Variants in HAPLN2 observed in about 807,000 individuals in gnomAD.
HAPLN2 encodes the protein hyaluronan and proteoglycan link protein 2.
HAPLN2 carries 27 observed loss-of-function variants against 29.3 expected under a neutral mutation model. The ratio of observed to expected loss-of-function variants is 0.92; its 90% CI spans 0.68 to 1.27. The LOEUF (loss-of-function observed/expected upper bound fraction) is 1.27. HAPLN2 is among the 50% of genes most tolerant of loss of function. The pLI is 0.00. For missense variants in HAPLN2, 454 were observed against 484.3 expected (o/e 0.94, Z 0.59); for synonymous variants, 208 against 211.7 (o/e 0.98, Z 0.15).
At position 156,621,463 on chromosome 1, in the gene HAPLN2, G is replaced by A. The variant is rs116064662; in HGVS notation, c.-25+1305G>A. 7.5e-3 allele frequency among the ~76,000 whole-genome samples: 1,140 copies of A among 151,602 alleles called. 19 individuals are homozygous for A. Among genetic ancestry groups the A allele is most frequent in the African/African-American group, 0.027 (1,095 of 41,304 alleles). ...GAATGATACAATAGGTGCTGGAGGCGATGGCTCACACCTGTAATCTCAGCA... is the reference window on the plus strand; with the variant it reads ...GAATGATACAATAGGTGCTGGAGGCAATGGCTCACACCTGTAATCTCAGCA... On this transcript the variant is annotated intron_variant, in intron 2 of 6. Transcript: ENST00000255039.
rs898944237 is a variant in HAPLN2 at position 156,625,524 on chromosome 1, T to C, written c.*140T>C. ...CAGACCTGCCTTCCCAGCCGGGGGC[T>C]GCGGGCCTCGGACCCCGGCTGGCCC... On this transcript the variant is annotated 3_prime_UTR_variant, in exon 7 of 7. Transcript: ENST00000255039. The surrounding 1 kb of genome is among the most constrained non-coding windows in gnomAD (Gnocchi z 5.7). 4.6e-6 allele frequency: 4 copies of C among 878,988 alleles called. No homozygotes were observed. In the African/African-American group the frequency reaches 7.2e-5, roughly 16 times the overall value. 54.4% of individuals were successfully genotyped at this position (878,988 alleles called of 1,614,324 possible). A position where few individuals can be genotyped will look rare whatever the true frequency, so the allele number is the denominator to read the frequency against.
Position 156,623,923 on chromosome 1 carries a change from G to A in HAPLN2, c.202G>A (p.Val68Met). ...GGGCACCACGCCTCCCAGCTACAAG[G>A]TGCGCTGGAGCAAGGTGGAGCCTGG... ...VLGTTPPSYK[V>M]RWSKVEPGEL... Residue 68 changes from valine to methionine, a missense_variant, in exon 4 of 7, where the codon GTG (valine) becomes ATG (methionine). Physicochemically the swap from Val to Met is conservative, Grantham distance 21 (BLOSUM62 1). This residue lies in a region of HAPLN2 where 204 missense variants were observed against 209.2 expected (regional missense o/e 0.98). Transcript: ENST00000255039. 2 of 1,606,344 alleles carry A rather than the reference G, an allele frequency of 1.2e-6. No homozygotes were observed. The highest frequency in any genetic ancestry group is 1.7e-6 in the Non-Finnish European group (2 of 1,176,416).
the HAPLN2 span, among the ~76,000 whole-genome samples, chr1:156,606,735 G>A: frequency 4.0e-5 from 6 of 151,742 alleles, no homozygotes; most frequent in Non-Finnish European, 7.4e-5. Flanking sequence ...CTCCTGCCTC[G>A]GCCTCCCAAA....
At position 156,625,216 on chromosome 1, in the gene HAPLN2, G is replaced by C; in HGVS notation, c.855G>C (p.Ser285=). The C allele has an allele frequency of 6.4e-7, 1 of 1,565,286 alleles. No individual in the cohort carries two copies. Among genetic ancestry groups the C allele is most frequent in the Admixed American group, 1.9e-5 (1 of 53,344 alleles). Reference sequence around the variant, plus strand: ...ACCTCTACGCCGCCTGGAAGTTTTCGGGGCTAGACCAGTGCGACGGCGGCT... The same window carrying C: ...ACCTCTACGCCGCCTGGAAGTTTTCCGGGCTAGACCAGTGCGACGGCGGCT... The part of the protein sequence containing the change: ...VGHLYAAWKF[S]GLDQCDGGWL... The change falls in exon 7 of 7, where the codon TCG becomes TCC. Residue 285 remains serine, a synonymous_variant. Coordinates refer to ENST00000255039, the MANE Select transcript of HAPLN2 (RefSeq NM_021817.3). This position sits in a 1 kb window ranked among gnomAD's most constrained non-coding sequence, Gnocchi z 5.7.
the HAPLN2 span, among the ~76,000 whole-genome samples, chr1:156,610,640 C>CAA: frequency 9.9e-5 from 12 of 121,594 alleles, no homozygotes; most frequent in African/African-American, 3.5e-4. Context: ...AACTCCGTCT[C>CAA]AAAAAAAAAA....
At chr1:156,612,044 G>C in the HAPLN2 span, among the ~76,000 whole-genome samples, 1 of 152,154 alleles carries the variant, frequency 6.6e-6, no homozygotes, top group Non-Finnish European at 1.5e-5. Flanking sequence ...TTGAGACGGA[G>C]TTTTGTTCTG....
the HAPLN2 span, among the ~76,000 whole-genome samples, chr1:156,608,312 A>T: frequency 6.6e-6 from 1 of 152,082 alleles, no homozygotes; most frequent in Non-Finnish European, 1.5e-5. Context: ...CCCTATTGCC[A>T]TCTGCCCCTT....
At chr1:156,601,710 G>C in the HAPLN2 span, among the ~76,000 whole-genome samples, 1 of 152,140 alleles carries the variant, frequency 6.6e-6, no homozygotes, top group Non-Finnish European at 1.5e-5. Context: ...CTCTCAGGAT[G>C]CCAAGAACGG....
chr1:156,623,037 AAAATAAAT>A lies in HAPLN2; in HGVS notation c.-24-394_-24-387del, dbSNP rs56280786. On this transcript the variant is annotated intron_variant, in intron 2 of 6. Coordinates refer to ENST00000255039, the MANE Select transcript of HAPLN2 (RefSeq NM_021817.3). ...CCATGGAGCAACACTCTGTCTCAAA[AAAATAAAT>A]AAATAAATAAATAAATAAATAAATA... is the stretch of plus-strand genomic sequence containing the variant. Among the ~76,000 whole-genome samples the A allele has an allele frequency of 9.2e-4, 103 of 111,434 alleles. 8 individuals are homozygous for A. The highest frequency in any genetic ancestry group is 5.7e-3 in the South Asian group (16 of 2,800). The allele number at this position is 111,434 out of a possible 152,430, so 73.1% of individuals were successfully genotyped here.
upstream of HAPLN2, among the ~76,000 whole-genome samples, chr1:156,617,128 G>A (rs928763677): frequency 1.3e-5 from 2 of 151,388 alleles, no homozygotes; most frequent in Non-Finnish European, 2.9e-5. Context: ...TATTCAAGGT[G>A]AGCTTCCTAT....
chr1:156,624,909 G>GGCCCCCCCCCCCCCCCCCCCCCCCC, intron 6 of HAPLN2, 126 bp downstream of exon 6: 1 of 999,520 alleles, frequency 1.0e-6, no homozygotes, highest in Non-Finnish European at 1.4e-6. Flanking sequence ...CCCCCCATCA[G>GGCCCCCCCCCCCCCCCCCCCCCCCC]CCCGCCCGCC....
Position 156,625,428 on chromosome 1 carries a change from G to A in HAPLN2, c.*44G>A, listed in dbSNP as rs1334353372. The A allele has an allele frequency of 1.3e-6, 2 of 1,521,048 alleles. No homozygotes were observed. The highest frequency in any genetic ancestry group is 2.5e-5 in the East Asian group (1 of 40,586). The allele number at this position is 1,521,048 out of a possible 1,614,324, so 94.2% of individuals were successfully genotyped here. A position where few individuals can be genotyped will look rare whatever the true frequency, so the allele number is the denominator to read the frequency against. On this transcript the variant is annotated 3_prime_UTR_variant, in exon 7 of 7. Transcript: ENST00000255039. This position sits in a 1 kb window ranked among gnomAD's most constrained non-coding sequence, Gnocchi z 5.7. ...CCAGCGCGCGCGAAGAAGCTTGGGAGTCGTGGCGGGGGTCTCTCGCCACCC... is the reference window on the plus strand; with the variant it reads ...CCAGCGCGCGCGAAGAAGCTTGGGAATCGTGGCGGGGGTCTCTCGCCACCC...
the HAPLN2 span, among the ~76,000 whole-genome samples, chr1:156,602,879 C>T: frequency 2.0e-5 from 3 of 152,100 alleles, no homozygotes; most frequent in Admixed American, 1.3e-4. Context: ...CCTTTTCTGC[C>T]TCCCCATATC....
chr1:156,618,201 G>A (rs372112207), upstream of HAPLN2, among the ~76,000 whole-genome samples: 3 of 151,378 alleles, frequency 2.0e-5, no homozygotes, highest in Admixed American at 2.0e-4. Flanking sequence ...TGAAGGCTGA[G>A]GAAAGAGGAG....
At position 156,625,612 on chromosome 1, in the gene HAPLN2, C is replaced by T. The variant is rs557478553; in HGVS notation, c.*228C>T. 52 of 467,632 alleles carry T rather than the reference C, an allele frequency of 1.1e-4. No homozygotes were observed. Among genetic ancestry groups the T allele is most frequent in the African/African-American group, 9.0e-4 (44 of 48,700 alleles). 29.0% of individuals were successfully genotyped at this position (467,632 alleles called of 1,614,324 possible). On this transcript the variant is annotated 3_prime_UTR_variant, in exon 7 of 7. Coordinates refer to ENST00000255039, the MANE Select transcript of HAPLN2 (RefSeq NM_021817.3). This position sits in a 1 kb window ranked among gnomAD's most constrained non-coding sequence, Gnocchi z 5.7. Reference sequence around the variant, plus strand: ...GAGATGCAGAGGTGACCCTCGGACCCGCTGCCGTTCGCGAACCCTAGCAGA... The same window carrying T: ...GAGATGCAGAGGTGACCCTCGGACCTGCTGCCGTTCGCGAACCCTAGCAGA...
At chr1:156,613,144 A>T in the HAPLN2 span, among the ~76,000 whole-genome samples, 3 of 152,086 alleles carry the variant, frequency 2.0e-5, no homozygotes, top group African/African-American at 4.8e-5. Context: ...AGGTCAGGAG[A>T]TCGAGACCAG....
In HAPLN2 at chr1:156,624,588, C is replaced by A; in HGVS notation, c.557-13C>A. 1 of 1,610,370 alleles carries A rather than the reference C, an allele frequency of 6.2e-7. No individual in the cohort carries two copies. Among genetic ancestry groups the A allele is most frequent in the Non-Finnish European group, 8.5e-7 (1 of 1,178,688 alleles). On this transcript the variant is annotated splice_polypyrimidine_tract_variant and intron_variant, in intron 5 of 6. Transcript: ENST00000255039. ...GACGCCTCTTATCCCCGACCTCCGC[C>A]GTCTCCCGCCAGCTTGGACCGAGGG...
chr1:156,621,122 T>TTTTG (rs11462695), intron 2 of HAPLN2, among the ~76,000 whole-genome samples: 2 of 150,508 alleles, frequency 1.3e-5, no homozygotes, highest in Non-Finnish European at 3.0e-5. Flanking sequence ...TTTTTTTTTT[T>TTTTG]GAGACAAGGT....
At chr1:156,603,122 G>A in the HAPLN2 span, among the ~76,000 whole-genome samples, 8,443 of 152,156 alleles carry the variant, frequency 0.055, 339 homozygotes, top group African/African-American at 0.11. Flanking sequence ...TGCTTCAAAG[G>A]CATTCCTTAG....
Sources: allele counts gnomAD v4.1 joint callset (sites outside exome capture counted in the v4.1 genomes callset), GRCh38; gene constraint gnomAD v4.1.1; regional missense constraint gnomAD v4.1.1; non-coding constraint Gnocchi (gnomAD v3.1); transcripts MANE v1.5; gene names NCBI Gene and HGNC (gene_info 2026-07-23, HGNC 2026-07-21).